CCDC150: variants seen among roughly 807,000 people sequenced by gnomAD.
The protein encoded by CCDC150 is coiled-coil domain containing 150, also known as coiled-coil domain-containing protein 150.
A neutral mutation model predicts 156.5 loss-of-function variants in CCDC150; 151 were observed. That is an observed-to-expected ratio of 0.97 (90% confidence interval 0.85 to 1.10). The LOEUF is 1.10. CCDC150 is among the 50% of genes least tolerant of loss of function. The pLI, the probability that CCDC150 is intolerant of heterozygous loss-of-function variation, is 0.00. For missense variants in CCDC150, 1,312 were observed against 1,268.1 expected (o/e 1.03, Z -0.53); for synonymous variants, 452 against 429.4 (o/e 1.05, Z -0.65).
At chr2:196,674,555 A>G (rs1293722217) in intron 10 of CCDC150, among the ~76,000 whole-genome samples, 1 of 150,520 alleles carries the variant, frequency 6.6e-6, no homozygotes, top group Non-Finnish European at 1.5e-5. Context: ...CTTCTCAAAT[A>G]TCATCACTTG....
chr2:196,640,971 G>A (rs1425105052), intron 1 of CCDC150, among the ~76,000 whole-genome samples: 2 of 82,670 alleles, frequency 2.4e-5, no homozygotes, highest in African/African-American at 6.9e-5. Context: ...TGTGTATTCT[G>A]TTTTTTGTTT....
intron 15 of CCDC150, among the ~76,000 whole-genome samples, chr2:196,705,534 A>G (rs1160801626): frequency 1.3e-5 from 2 of 152,058 alleles, no homozygotes; most frequent in South Asian, 2.1e-4. Context: ...TTATTTTGCT[A>G]TGCAGAAGCT....
At chr2:196,708,463 TTG>T (rs1178232884) in intron 15 of CCDC150, among the ~76,000 whole-genome samples, 1 of 152,182 alleles carries the variant, frequency 6.6e-6, no homozygotes, top group Non-Finnish European at 1.5e-5. Context: ...TTTATCCAAT[TTG>T]CTAGTCTGTG....
rs181515955 is a variant in CCDC150, at chr2:196,649,099, G to A, written c.176+2595G>A. Among the ~76,000 whole-genome samples the A allele has an allele frequency of 1.2e-4, 18 of 152,246 alleles. No homozygotes were observed. In the South Asian group the frequency reaches 2.7e-3, roughly 23 times the overall value. On this transcript the variant is annotated intron_variant, in intron 2 of 27. Coordinates refer to ENST00000389175, the MANE Select transcript of CCDC150 (RefSeq NM_001080539.2). ...CTCCACCTTTGTTATTTTTGCTCAAGATTGATTTGGCTATTTTGGGGGTCT... is the reference window on the plus strand; with the variant it reads ...CTCCACCTTTGTTATTTTTGCTCAAAATTGATTTGGCTATTTTGGGGGTCT...
intron 6 of CCDC150, among the ~76,000 whole-genome samples, 186 bp downstream of exon 6, chr2:196,665,869 A>T (rs1451105039): frequency 6.6e-6 from 1 of 152,182 alleles, no homozygotes; most frequent in Non-Finnish European, 1.5e-5. Flanking sequence ...GAAAGACCCT[A>T]ATGTCATTAT....
At chr2:196,724,976 C>T (rs996938794) in intron 21 of CCDC150, among the ~76,000 whole-genome samples, 4 of 152,112 alleles carry the variant, frequency 2.6e-5, no homozygotes, top group African/African-American at 9.7e-5. Flanking sequence ...TGATACATTC[C>T]TGCCTGGGGT....
In CCDC150 at chr2:196,639,881, T is replaced by A. The variant is rs184237928; in HGVS notation, c.12+103T>A. The A allele has an allele frequency of 3.8e-6, 4 of 1,046,582 alleles. 1 individual carries two copies. Among genetic ancestry groups the A allele is most frequent in the Non-Finnish European group, 5.2e-6 (4 of 767,638 alleles). The allele number at this position is 1,046,582 out of a possible 1,614,324, so 64.8% of individuals were successfully genotyped here. A position where few individuals can be genotyped will look rare whatever the true frequency, so the allele number is the denominator to read the frequency against. On this transcript the variant is annotated intron_variant, in intron 1 of 27. Coordinates refer to ENST00000389175, the MANE Select transcript of CCDC150 (RefSeq NM_001080539.2). The stretch of plus-strand genomic sequence containing the variant: ...ACTCCCTGGCGCCCTCTCCCTGTCC[T>A]GACGGAGTCCAGTCTCACTCCCTGG...
intron 15 of CCDC150, among the ~76,000 whole-genome samples, chr2:196,703,905 G>A (rs1696411253): frequency 1.3e-5 from 2 of 152,174 alleles, no homozygotes. Flanking sequence ...ATTTTTGATA[G>A]TCTTTGAAGA....
In CCDC150 at chr2:196,642,031, C is replaced by T. The variant is rs376068406; in HGVS notation, c.12+2253C>T. ...CTAGAAGCTCTTTGGAAATATTCTC[C>T]CTAAACATCAAGACAGAATTCTGTT... On this transcript the variant is annotated intron_variant, in intron 1 of 27. Coordinates refer to ENST00000389175, the MANE Select transcript of CCDC150 (RefSeq NM_001080539.2). Among the ~76,000 whole-genome samples the T allele has an allele frequency of 7.9e-5, 12 of 152,208 alleles. No homozygotes were observed. The South Asian group carries it at 2.5e-3, about 32-fold the overall frequency.
At position 196,674,338 on chromosome 2, in the gene CCDC150, C is replaced by A. The variant is rs774677516; in HGVS notation, c.1127C>A (p.Ala376Asp). 17 of 1,596,494 alleles carry A rather than the reference C, an allele frequency of 1.1e-5. No individual in the cohort carries two copies. The East Asian group carries it at 2.3e-4, about 21-fold the overall frequency. The part of the protein sequence containing the change: ...EKARIIADHQ[A>D]ILQVEQKMMT... Reference sequence around the variant, plus strand: ...GCCAGAATCATTGCTGACCATCAGGCCATTCTGCAGGTATTCGTTTAACAT... The same window carrying A: ...GCCAGAATCATTGCTGACCATCAGGACATTCTGCAGGTATTCGTTTAACAT... The change falls in exon 10 of 28, where the codon GCC becomes GAC. Residue 376 changes from alanine to aspartate, a missense_variant. Transcript: ENST00000389175.
chr2:196,674,444 T>TC, intron 10 of CCDC150, 96 bp downstream of exon 10: 6 of 713,772 alleles, frequency 8.4e-6, no homozygotes. Context: ...ATTTTAACAA[T>TC]AAATTTCAAA....
At chr2:196,710,127 A>G (rs143248168) in intron 15 of CCDC150, among the ~76,000 whole-genome samples, 1,760 of 152,354 alleles carry the variant, frequency 0.012, 14 homozygotes, top group Non-Finnish European at 0.02. Context: ...GGTGGAGTCT[A>G]CAGAAGCAGG....
In CCDC150 at chr2:196,732,668, T is replaced by C; in HGVS notation, c.*106T>C. Reference sequence around the variant, plus strand: ...TAGAGTCATAAGAACATGAAGTCTTTGATGTGGGCTGAAGATTTTGGACCT... The same window carrying C: ...TAGAGTCATAAGAACATGAAGTCTTCGATGTGGGCTGAAGATTTTGGACCT... On this transcript the variant is annotated 3_prime_UTR_variant, in exon 28 of 28. Transcript: ENST00000389175. The C allele has an allele frequency of 1.4e-6, 1 of 730,966 alleles. No individual in the cohort carries two copies. The highest frequency in any genetic ancestry group is 2.4e-6 in the Non-Finnish European group (1 of 420,246). 45.3% of individuals were successfully genotyped at this position (730,966 alleles called of 1,614,324 possible).
chr2:196,644,090 A>G (rs190298244), intron 1 of CCDC150, among the ~76,000 whole-genome samples: 313 of 152,224 alleles, frequency 2.1e-3, no homozygotes, highest in African/African-American at 7.2e-3. Flanking sequence ...GACAGGTGCC[A>G]TCATTACTCT....
chr2:196,726,222 G>C, intron 22 of CCDC150, 123 bp downstream of exon 22: 1 of 1,119,804 alleles, frequency 8.9e-7, no homozygotes. Context: ...CAGCAGGCCA[G>C]ATGTAATTAA....
At chr2:196,701,511 A>G (rs1696205658) in intron 15 of CCDC150, among the ~76,000 whole-genome samples, 1 of 152,250 alleles carries the variant, frequency 6.6e-6, no homozygotes, top group Non-Finnish European at 1.5e-5. Flanking sequence ...AAAGAAATAA[A>G]TCTGGAAACA....
At chr2:196,684,562 T>C (rs1559240899) in intron 13 of CCDC150, among the ~76,000 whole-genome samples, 1 of 152,146 alleles carries the variant, frequency 6.6e-6, no homozygotes, top group Non-Finnish European at 1.5e-5. Context: ...CCGTTAGGTC[T>C]ACTTGGTTTA....
intron 2 of CCDC150, among the ~76,000 whole-genome samples, chr2:196,652,454 T>G (rs910346288): frequency 5.9e-5 from 9 of 152,220 alleles, no homozygotes; most frequent in African/African-American, 2.2e-4. Context: ...TCCAAAACAA[T>G]CTTTGACTCT....
At chr2:196,695,215 A>C in intron 14 of CCDC150, 56 bp downstream of exon 14, 1 of 898,558 alleles carries the variant, frequency 1.1e-6, no homozygotes, top group Non-Finnish European at 1.8e-6. Context: ...GTTCAGAAAT[A>C]ACAACAACCA....
Sources: gnomAD v4.1 joint callset for allele counts (sites outside exome capture counted in the v4.1 genomes callset) on GRCh38, gnomAD v4.1.1 for gene constraint, MANE v1.5 for transcripts, NCBI Gene and HGNC (gene_info 2026-07-23, HGNC 2026-07-21) for gene names.